The following LMOD1 variants were observed in gnomAD, a reference collection of about 807,000 sequenced individuals.
The protein encoded by LMOD1 is leiomodin-1.
Under a neutral mutation model 36.5 loss-of-function variants are expected in LMOD1, and 8 were observed. That is an observed-to-expected ratio of 0.22 (90% CI 0.13 to 0.40). The LOEUF (loss-of-function observed/expected upper bound fraction) is 0.40, where lower values mean the gene tolerates loss of function less well. Ranked by LOEUF, LMOD1 falls within the 10% of genes least tolerant of loss-of-function variation. The probability of loss-of-function intolerance (pLI) is 1.00; values close to 1 mark genes in which losing one functional copy is unlikely to be tolerated. For synonymous variants in LMOD1, 284 were observed against 288.7 expected (o/e 0.98, Z 0.17); for missense variants, 630 against 751.1 (o/e 0.84, Z 1.88).
In LMOD1 at chr1:201,899,294, G is replaced by A. The variant is rs370820339; in HGVS notation, c.1719C>T (p.Asn573=). 2.8e-5 allele frequency: 45 copies of A among 1,608,854 alleles called. No homozygotes were observed. The highest frequency in any genetic ancestry group is 3.7e-5 in the Non-Finnish European group (43 of 1,177,156). ...TGGCAGCCAATAGCTGGTCACGGGA[G>A]TTCTTCTCCTGGGCAGGGAGGACTT... ...GDKVLPAQEK[N]SRDQLLAAIR... Residue 573 remains asparagine, a synonymous_variant, in exon 2 of 3, where the codon AAC becomes AAT. Coordinates refer to ENST00000367288, the MANE Select transcript of LMOD1 (RefSeq NM_012134.3). This position sits in a 1 kb window ranked among gnomAD's most constrained non-coding sequence, Gnocchi z 6.3.
At position 201,924,707 on chromosome 1, in the gene LMOD1, A is replaced by G. The variant is rs547406841; in HGVS notation, c.261+21373T>C. 1.9e-4 allele frequency among the ~76,000 whole-genome samples: 22 copies of G among 113,592 alleles called. No homozygotes were observed. The East Asian group carries it at 3.5e-3, about 18-fold the overall frequency. The allele number at this position is 113,592 out of a possible 152,430, so 74.5% of individuals were successfully genotyped here. A position where few individuals can be genotyped will look rare whatever the true frequency, so the allele number is the denominator to read the frequency against. On this transcript the variant is annotated intron_variant, in intron 1 of 2. Transcript: ENST00000367288. ...AAAGAAAGAAAGAAAGAAAGAAAGA[A>G]AGAAAGAAAGAAAGAAAGAAAGAAA...
chr1:201,896,791 GA>G lies in LMOD1; in HGVS notation c.*1580del, dbSNP rs1281699468. On this transcript the variant is annotated 3_prime_UTR_variant, in exon 3 of 3. Transcript: ENST00000367288. ...CAGGCAAGTGGGTGGAGGGAATGGA[GA>G]AGAGTGTACCCTGGGATCTGAGGGC... The G allele has an allele frequency of 8.9e-6, 4 of 451,388 alleles. No homozygotes were observed. The highest frequency in any genetic ancestry group is 1.8e-5 in the Non-Finnish European group (4 of 224,598). The allele number at this position is 451,388 out of a possible 1,614,324, so 28.0% of individuals were successfully genotyped here. A position where few individuals can be genotyped will look rare whatever the true frequency, so the allele number is the denominator to read the frequency against.
chr1:201,902,765 C>T (rs1681353267), intron 1 of LMOD1, among the ~76,000 whole-genome samples: 1 of 152,130 alleles, frequency 6.6e-6, no homozygotes, highest in South Asian at 2.1e-4. Flanking sequence ...GTTTTATACA[C>T]AGCATAAGCC....
At chr1:201,913,916 C>A (rs1681555162) in intron 1 of LMOD1, among the ~76,000 whole-genome samples, 1 of 151,968 alleles carries the variant, frequency 6.6e-6, no homozygotes, top group African/African-American at 2.4e-5. Context: ...TCTATTCATC[C>A]ATTGATAGAC....
intron 1 of LMOD1, among the ~76,000 whole-genome samples, chr1:201,936,761 A>AC (rs1358928891): frequency 1.3e-5 from 2 of 152,032 alleles, no homozygotes; most frequent in South Asian, 2.1e-4. Context: ...ACATGGTGAA[A>AC]CCCCCTCCCT....
rs532688245 is a variant in LMOD1, at chr1:201,945,928, G to A, written c.261+152C>T. 2.0e-5 allele frequency among the ~76,000 whole-genome samples: 3 copies of A among 152,238 alleles called. 1 individual carries two copies. Among genetic ancestry groups the A allele is most frequent in the South Asian group, 4.2e-4 (2 of 4,816 alleles). On this transcript the variant is annotated intron_variant, in intron 1 of 2. Transcript: ENST00000367288. ...AAATTAGGAGTAAGAGATTCGCACC[G>A]CTAGTTCAGTGGATAATCATCAGTT...
intron 1 of LMOD1, among the ~76,000 whole-genome samples, chr1:201,944,453 G>A (rs1012836078): frequency 6.6e-6 from 1 of 152,148 alleles, no homozygotes; most frequent in Non-Finnish European, 1.5e-5. Context: ...CTGGGAGTGG[G>A]GAAGAGCAGA....
chr1:201,945,425 A>G (rs1336842685), intron 1 of LMOD1, among the ~76,000 whole-genome samples: 2 of 152,196 alleles, frequency 1.3e-5, no homozygotes, highest in African/African-American at 2.4e-5. Flanking sequence ...GGAGAGTGCA[A>G]AAACAAAACA....
At chr1:201,924,986 G>A (rs545625328) in intron 1 of LMOD1, among the ~76,000 whole-genome samples, 12 of 152,280 alleles carry the variant, frequency 7.9e-5, no homozygotes, top group East Asian at 5.8e-4. Flanking sequence ...AGGCTGAGGC[G>A]GGCAGATCAT....
Position 201,917,601 on chromosome 1 carries a change from ACC to A in LMOD1, c.262-16852_262-16851del, listed in dbSNP as rs535649054. Among the ~76,000 whole-genome samples the A allele has an allele frequency of 3.4e-3, 514 of 151,838 alleles. 4 individuals carry two copies. Among genetic ancestry groups the A allele is most frequent in the African/African-American group, 0.012 (492 of 41,480 alleles). ...ACTCATACTGGGAAGCTTGTAGCAA[ACC>A]CCATTTTTGGAGAAACCGGGAAATC... is the stretch of plus-strand genomic sequence containing the variant. On this transcript the variant is annotated intron_variant, in intron 1 of 2. Coordinates refer to ENST00000367288, the MANE Select transcript of LMOD1 (RefSeq NM_012134.3).
intron 1 of LMOD1, among the ~76,000 whole-genome samples, chr1:201,920,087 G>A (rs1420276935): frequency 2.3e-5 from 1 of 44,274 alleles, no homozygotes; most frequent in African/African-American, 9.3e-5. Context: ...ACCAAGTTTT[G>A]TTCTTGTCAC....
At chr1:201,925,709 T>G (rs1238878885) in intron 1 of LMOD1, among the ~76,000 whole-genome samples, 2 of 151,710 alleles carry the variant, frequency 1.3e-5, no homozygotes, top group African/African-American at 4.8e-5. Flanking sequence ...TATTTTTAAT[T>G]TTTTAAATTT....
At chr1:201,923,684 C>T (rs1018165179) in intron 1 of LMOD1, among the ~76,000 whole-genome samples, 1 of 151,914 alleles carries the variant, frequency 6.6e-6, no homozygotes, top group Admixed American at 6.6e-5. Flanking sequence ...GGCAACATGG[C>T]AAAACCCCAT....
chr1:201,928,590 A>G (rs1681867099), intron 1 of LMOD1, among the ~76,000 whole-genome samples: 1 of 152,192 alleles, frequency 6.6e-6, no homozygotes, highest in African/African-American at 2.4e-5. Flanking sequence ...TCTCTAGGAG[A>G]GCTGTATTAC....
chr1:201,924,898 AAG>A (rs1681802346), intron 1 of LMOD1, among the ~76,000 whole-genome samples: 1 of 152,070 alleles, frequency 6.6e-6, no homozygotes, highest in Non-Finnish European at 1.5e-5. Flanking sequence ...AAAAAGAAAA[AAG>A]AGAGAGACAA....
chr1:201,940,765 T>G (rs1682101432), intron 1 of LMOD1, among the ~76,000 whole-genome samples: 1 of 150,568 alleles, frequency 6.6e-6, no homozygotes, highest in Non-Finnish European at 1.5e-5. Flanking sequence ...TTTTTTTTTT[T>G]GAGACGGAAT....
Position 201,899,376 on chromosome 1 carries a change from A to G in LMOD1, c.1637T>C (p.Ile546Thr). ...PPPPPLAPPL[I>T]MENLKNSLSP... is the part of the protein sequence containing the mutation. ...GAGTGAATTCTTCAGGTTCTCCATG[A>G]TAAGGGGTGGAGCCAAGGGAGGGGG... The change falls in exon 2 of 3, where the codon ATC becomes ACC. Residue 546 changes from isoleucine (I) to threonine (T), a missense_variant. By Grantham distance (89) the Ile-to-Thr change is moderately conservative. This residue lies in a region of LMOD1 where 144 missense variants were observed against 169.8 expected (regional missense o/e 0.85). Coordinates refer to ENST00000367288, the MANE Select transcript of LMOD1 (RefSeq NM_012134.3). This position sits in a 1 kb window ranked among gnomAD's most constrained non-coding sequence, Gnocchi z 6.3. The G allele has an allele frequency of 6.6e-7, 1 of 1,524,618 alleles. No individual in the cohort carries two copies. The highest frequency in any genetic ancestry group is 9.1e-7 in the Non-Finnish European group (1 of 1,102,708). 94.4% of individuals were successfully genotyped at this position (1,524,618 alleles called of 1,614,324 possible). A position where few individuals can be genotyped will look rare whatever the true frequency, so the allele number is the denominator to read the frequency against.
chr1:201,917,714 C>A (rs1458033955), intron 1 of LMOD1, among the ~76,000 whole-genome samples: 1 of 152,172 alleles, frequency 6.6e-6, no homozygotes, highest in Non-Finnish European at 1.5e-5. Context: ...TTTATCCCAG[C>A]ACCAAGGAAA....
At chr1:201,920,808 T>G (rs1436357080) in intron 1 of LMOD1, among the ~76,000 whole-genome samples, 1 of 151,198 alleles carries the variant, frequency 6.6e-6, no homozygotes, top group Non-Finnish European at 1.5e-5. Flanking sequence ...GCAGGAGGCT[T>G]GCTTGAGCCC....
Sources: allele counts gnomAD v4.1 joint callset (sites outside exome capture counted in the v4.1 genomes callset), GRCh38; gene constraint gnomAD v4.1.1; regional missense constraint gnomAD v4.1.1; non-coding constraint Gnocchi (gnomAD v3.1); transcripts MANE v1.5; gene names NCBI Gene and HGNC (gene_info 2026-07-23, HGNC 2026-07-21).